HMCN1: variants seen among roughly 807,000 people sequenced by gnomAD.
HMCN1 encodes the protein hemicentin-1.
In HMCN1, 321 loss-of-function variants were observed where a neutral mutation model predicts 625.9. The ratio of observed to expected loss-of-function variants is 0.51; its 90% CI spans 0.47 to 0.56. The LOEUF (loss-of-function observed/expected upper bound fraction) is 0.56. HMCN1 is among the 20% of genes least tolerant of loss of function. HMCN1 has a pLI of 0.00. For missense variants in HMCN1, 6,588 were observed against 6,887.3 expected (o/e 0.96, Z 1.54); for synonymous variants, 2,425 against 2,417.6 (o/e 1.00, Z -0.09).
intron 80 of HMCN1, among the ~76,000 whole-genome samples, chr1:186,120,857 T>C (rs919916549): frequency 1.3e-5 from 2 of 152,214 alleles, no homozygotes; most frequent in Non-Finnish European, 1.5e-5. Flanking sequence ...ATGGTGTTTA[T>C]ACATTGATGG....
intron 11 of HMCN1, among the ~76,000 whole-genome samples, chr1:185,943,292 T>G (rs2102515546): frequency 6.6e-6 from 1 of 152,316 alleles, no homozygotes; most frequent in East Asian, 1.9e-4. Context: ...TTATGATTGG[T>G]ATCTGAAATG....
chr1:186,028,092 C>T (rs1655179734), intron 36 of HMCN1, among the ~76,000 whole-genome samples: 1 of 152,052 alleles, frequency 6.6e-6, no homozygotes, highest in Non-Finnish European at 1.5e-5. Context: ...ACAAAAATTA[C>T]ATTTAGATTG....
At chr1:185,781,162 G>A (rs899370267) in intron 1 of HMCN1, among the ~76,000 whole-genome samples, 17 of 152,120 alleles carry the variant, frequency 1.1e-4, no homozygotes, top group African/African-American at 4.1e-4. Flanking sequence ...TTCTCTGATG[G>A]TAGTTTGTAT....
rs1172800377 is a variant in HMCN1 at position 186,094,274 on chromosome 1, A to G, written c.10197-2A>G. The G allele has an allele frequency of 6.2e-7, 1 of 1,610,526 alleles. No individual in the cohort carries two copies. The highest frequency in any genetic ancestry group is 8.5e-7 in the Non-Finnish European group (1 of 1,177,010). On this transcript the variant is annotated splice_acceptor_variant, in intron 66 of 106. Transcript: ENST00000271588. LOFTEE classifies it high-confidence loss of function. ...TGAAATGTGGATCAAATTGTTTCTC[A>G]GGATTGTGAGAGCTCAGGTGTCTGA...
At chr1:186,001,865 T>A (rs566879290) in intron 28 of HMCN1, 124 bp downstream of exon 28, 1 of 831,492 alleles carries the variant, frequency 1.2e-6, no homozygotes, top group Non-Finnish European at 1.9e-6. Context: ...TTTCATTCTA[T>A]TATTTTTGTC....
chr1:186,136,953 G>C lies in HMCN1; in HGVS notation c.13582+16G>C, dbSNP rs1025300057. 1 of 1,611,858 alleles carries C rather than the reference G, an allele frequency of 6.2e-7. No individual in the cohort carries two copies. The highest frequency in any genetic ancestry group is 1.3e-5 in the African/African-American group (1 of 74,964). Reference sequence around the variant, plus strand: ...ATAGTCCAGGGTGAGTGTGATCAGAGGAATATTCATAGTAAACAGTACCTG... The same window carrying C: ...ATAGTCCAGGGTGAGTGTGATCAGACGAATATTCATAGTAAACAGTACCTG... On this transcript the variant is annotated intron_variant, in intron 87 of 106. Transcript: ENST00000271588.
chr1:185,892,455 G>A (rs1241829654), intron 4 of HMCN1, among the ~76,000 whole-genome samples: 2 of 151,806 alleles, frequency 1.3e-5, no homozygotes, highest in Non-Finnish European at 2.9e-5. Flanking sequence ...TCTACTTTTG[G>A]TCTTTGATGA....
At chr1:186,153,696 G>GA (rs1368554627) in intron 96 of HMCN1, 54 bp from the exon 97 acceptor site, 4 of 1,484,924 alleles carry the variant, frequency 2.7e-6, no homozygotes, top group East Asian at 4.5e-5. Context: ...CCCCTTAAGG[G>GA]AAAAAAATTA....
Position 186,000,136 on chromosome 1 carries a change from G to C in HMCN1, c.3966G>C (p.Leu1322Phe), listed in dbSNP as rs1214147092. 3 of 1,613,146 alleles carry C rather than the reference G, an allele frequency of 1.9e-6. No homozygotes were observed. Among genetic ancestry groups the C allele is most frequent in the South Asian group, 2.2e-5 (2 of 91,068 alleles). The change falls in exon 26 of 107, where the codon TTG becomes TTC. Residue 1322 changes from leucine (L) to phenylalanine (F), a missense_variant. Leu to Phe is a conservative substitution (Grantham distance 22). This residue lies in a region of HMCN1 where 4,628 missense variants were observed against 4,853.1 expected (regional missense o/e 0.95). Coordinates refer to ENST00000271588, the MANE Select transcript of HMCN1 (RefSeq NM_031935.3). ...TTTCTATCTTGGAAGATGGCACATTGCTGGTTATTGCTTCTGTTACACCCT... is the reference window on the plus strand; with the variant it reads ...TTTCTATCTTGGAAGATGGCACATTCCTGGTTATTGCTTCTGTTACACCCT... ...PGISILEDGTLLVIASVTPYD... is the reference protein window; with the variant it reads ...PGISILEDGTFLVIASVTPYD...
intron 93 of HMCN1, among the ~76,000 whole-genome samples, chr1:186,149,467 A>C (rs960052445): frequency 1.3e-5 from 2 of 152,178 alleles, no homozygotes; most frequent in Admixed American, 1.3e-4. Context: ...TTAGGGCCTT[A>C]GTCTGGATTG....
intron 4 of HMCN1, among the ~76,000 whole-genome samples, chr1:185,884,235 A>G (rs1297301181): frequency 1.3e-5 from 2 of 151,982 alleles, no homozygotes; most frequent in East Asian, 3.9e-4. Flanking sequence ...TGTGAACTCT[A>G]GGAATTTTTA....
intron 103 of HMCN1, among the ~76,000 whole-genome samples, chr1:186,177,737 CTGAAA>C (rs983702319): frequency 6.6e-6 from 1 of 152,056 alleles, no homozygotes; most frequent in African/African-American, 2.4e-5. Flanking sequence ...TGAATTCCAT[CTGAAA>C]TATTTGTCAA....
At chr1:186,106,805 A>T in intron 69 of HMCN1, 79 bp from the exon 70 acceptor site, 1 of 1,026,800 alleles carries the variant, frequency 9.7e-7, no homozygotes, top group Admixed American at 1.7e-5. Context: ...GGTTATTTAC[A>T]TTCATTCTAG....
In HMCN1 at chr1:185,842,980, A is replaced by G. The variant is rs529206895; in HGVS notation, c.269-3046A>G. The stretch of plus-strand genomic sequence containing the variant: ...TATCTTCACCTCTTTCTTCACTACC[A>G]AAGTTTTTCAATTTCATTGTCTCTG... On this transcript the variant is annotated intron_variant, in intron 1 of 106. Coordinates refer to ENST00000271588, the MANE Select transcript of HMCN1 (RefSeq NM_031935.3). Among the ~76,000 whole-genome samples the G allele has an allele frequency of 6.9e-4, 105 of 152,122 alleles. 1 individual carries two copies. Among genetic ancestry groups the G allele is most frequent in the Non-Finnish European group, 1.3e-3 (86 of 68,004 alleles).
At chr1:185,787,922 A>C (rs965668379) in intron 1 of HMCN1, among the ~76,000 whole-genome samples, 5 of 152,216 alleles carry the variant, frequency 3.3e-5, no homozygotes, top group African/African-American at 1.2e-4. Flanking sequence ...ATTGAGGCCC[A>C]GTTGCTTAGA....
At chr1:186,146,718 C>T (rs1202241495) in intron 93 of HMCN1, among the ~76,000 whole-genome samples, 4 of 152,102 alleles carry the variant, frequency 2.6e-5, no homozygotes, top group South Asian at 2.1e-4. Context: ...TGAACATTAT[C>T]GACTAATTAA....
intron 36 of HMCN1, among the ~76,000 whole-genome samples, chr1:186,034,768 T>C: frequency 6.6e-6 from 1 of 152,212 alleles, no homozygotes; most frequent in East Asian, 1.9e-4. Flanking sequence ...TAAATACTTT[T>C]TGGATTTTTG....
At chr1:185,817,261 A>T (rs1051378569) in intron 1 of HMCN1, among the ~76,000 whole-genome samples, 1 of 152,152 alleles carries the variant, frequency 6.6e-6, no homozygotes, top group Admixed American at 6.6e-5. Flanking sequence ...CTGGGAGGGA[A>T]GTGGAACTAC....
At position 186,117,487 on chromosome 1, in the gene HMCN1, A is replaced by G; in HGVS notation, c.11712A>G (p.Thr3904=). 1 of 1,613,892 alleles carries G rather than the reference A, an allele frequency of 6.2e-7. No homozygotes were observed. The highest frequency in any genetic ancestry group is 1.1e-5 in the South Asian group (1 of 91,070). The part of the protein sequence containing the change: ...QVPPSIADEP[T]DFLVTKHAPA... ...CACCTTCCATAGCTGATGAGCCTAC[A>G]GATTTCCTAGTAACCAAACATGCCC... is the stretch of plus-strand genomic sequence containing the variant. The change falls in exon 77 of 107, where the codon ACA becomes ACG. Residue 3904 remains threonine (T), a synonymous_variant. Coordinates refer to ENST00000271588, the MANE Select transcript of HMCN1 (RefSeq NM_031935.3).
Sources: gnomAD v4.1 joint callset for allele counts (sites outside exome capture counted in the v4.1 genomes callset) on GRCh38, gnomAD v4.1.1 for gene constraint, gnomAD v4.1.1 regional missense constraint, MANE v1.5 for transcripts, NCBI Gene and HGNC (gene_info 2026-07-23, HGNC 2026-07-21) for gene names.